GALNTL6: variants seen among roughly 807,000 people sequenced by gnomAD.
GALNTL6 encodes polypeptide N-acetylgalactosaminyltransferase like 6.
GALNTL6 carries 46 observed loss-of-function variants against 73.7 expected under a neutral mutation model. The observed-to-expected ratio is 0.62, with a 90% CI of 0.49 to 0.80. The LOEUF is 0.80. Among genes scored for constraint, GALNTL6 ranks in the 30% least tolerant of loss-of-function variants. GALNTL6 has a pLI of 0.00. For synonymous variants in GALNTL6, 259 were observed against 263.7 expected, an observed-to-expected ratio of 0.98 and a Z score of 0.17; for missense variants, 604 against 755.0, an observed-to-expected ratio of 0.80 and a Z score of 2.34.
At chr4:172,886,072 A>G (rs1745704836) in intron 8 of GALNTL6, among the ~76,000 whole-genome samples, 1 of 152,226 alleles carries the variant, frequency 6.6e-6, no homozygotes. Context: ...TGAGTTTGGA[A>G]GAATTCCCTC....
chr4:171,994,901 A>G (rs996826540), intron 2 of GALNTL6, among the ~76,000 whole-genome samples: 1 of 152,042 alleles, frequency 6.6e-6, no homozygotes, highest in Non-Finnish European at 1.5e-5. Flanking sequence ...CTAATTATTT[A>G]TGTGAAAAAA....
chr4:172,569,786 A>G (rs536001496), intron 5 of GALNTL6, among the ~76,000 whole-genome samples: 28 of 152,354 alleles, frequency 1.8e-4, no homozygotes, highest in African/African-American at 6.7e-4. Flanking sequence ...TATCAAGGAA[A>G]GATTAGGATT....
intron 3 of GALNTL6, among the ~76,000 whole-genome samples, chr4:172,287,300 G>A (rs189366391): frequency 1.2e-4 from 18 of 152,238 alleles, no homozygotes; most frequent in Non-Finnish European, 2.2e-4. Context: ...CCTAGCCCAT[G>A]CAACTAGGGC....
chr4:172,087,441 T>TC (rs1243152645), intron 2 of GALNTL6, among the ~76,000 whole-genome samples: 25 of 98,162 alleles, frequency 2.5e-4, no homozygotes, highest in Non-Finnish European at 4.2e-4. Flanking sequence ...TTAGACTCCA[T>TC]CCCAAAAAAA....
intron 4 of GALNTL6, among the ~76,000 whole-genome samples, chr4:172,321,680 A>G (rs1468458722): frequency 3.3e-5 from 5 of 152,224 alleles, no homozygotes; most frequent in African/African-American, 9.6e-5. Flanking sequence ...AGCTAAAATA[A>G]AAAGTTCTTT....
chr4:172,321,584 T>C (rs1410224247), intron 4 of GALNTL6, among the ~76,000 whole-genome samples: 1 of 152,168 alleles, frequency 6.6e-6, no homozygotes, highest in Non-Finnish European at 1.5e-5. Context: ...AGATAATGTT[T>C]CATTAAATAG....
intron 2 of GALNTL6, among the ~76,000 whole-genome samples, chr4:171,944,842 A>ATTTGTCT (rs1738657030): frequency 1.3e-5 from 2 of 152,092 alleles, no homozygotes; most frequent in African/African-American, 4.8e-5. Context: ...GTACTTAATA[A>ATTTGTCT]TTTGTCTTTT....
At chr4:172,632,852 C>T (rs772525180) in intron 5 of GALNTL6, among the ~76,000 whole-genome samples, 1 of 152,218 alleles carries the variant, frequency 6.6e-6, no homozygotes, top group Non-Finnish European at 1.5e-5. Flanking sequence ...TGCCCTGCAT[C>T]CCAGCTGCTT....
chr4:172,952,049 G>A lies in GALNTL6; in HGVS notation c.1162G>A (p.Val388Ile), dbSNP rs750015890. The A allele has an allele frequency of 4.0e-5, 65 of 1,613,534 alleles. No individual in the cohort carries two copies. The highest frequency in any genetic ancestry group is 5.3e-5 in the Non-Finnish European group (62 of 1,179,734). The change falls in exon 10 of 13, where the codon GTA (valine) becomes ATA (isoleucine). Residue 388 changes from valine to isoleucine, a missense_variant. Physicochemically the swap from Val to Ile is conservative, Grantham distance 29. This residue lies in a region of GALNTL6 where 261 missense variants were observed against 296.5 expected (regional missense o/e 0.88). Transcript: ENST00000506823. ...GTSLARNLKRVAETWMDEFAE... is the reference protein window; with the variant it reads ...GTSLARNLKRIAETWMDEFAE... ...TCCTGCTGCACAGAACCTGAAGCGG[G>A]TAGCTGAGACCTGGATGGATGAATT... is the stretch of plus-strand genomic sequence containing the variant.
chr4:172,950,326 A>G (rs568297226), intron 9 of GALNTL6, among the ~76,000 whole-genome samples: 2 of 152,314 alleles, frequency 1.3e-5, no homozygotes, highest in South Asian at 4.1e-4. Flanking sequence ...TCAGGGAACA[A>G]TTCTCACAGT....
intron 5 of GALNTL6, among the ~76,000 whole-genome samples, chr4:172,595,683 T>A (rs1357505692): frequency 6.6e-6 from 1 of 152,184 alleles, no homozygotes; most frequent in East Asian, 1.9e-4. Flanking sequence ...GGCAAACTAT[T>A]TTTTTTCCAA....
chr4:172,106,611 G>A (rs1732681202), intron 2 of GALNTL6, among the ~76,000 whole-genome samples: 1 of 151,968 alleles, frequency 6.6e-6, no homozygotes, highest in Non-Finnish European at 1.5e-5. Flanking sequence ...TCTATTTCCT[G>A]GATGACTGCT....
intron 2 of GALNTL6, among the ~76,000 whole-genome samples, chr4:171,856,448 C>A (rs1380113639): frequency 6.6e-6 from 1 of 152,064 alleles, no homozygotes; most frequent in Non-Finnish European, 1.5e-5. Flanking sequence ...TCCATTTAAT[C>A]AATTTTTTAT....
intron 2 of GALNTL6, among the ~76,000 whole-genome samples, chr4:171,919,309 G>GA (rs147357435): frequency 0.011 from 1,715 of 152,024 alleles, 27 homozygotes; most frequent in African/African-American, 0.038. Context: ...CACACAAGCA[G>GA]AAAAAAATGT....
intron 11 of GALNTL6, among the ~76,000 whole-genome samples, chr4:173,017,589 A>G (rs187117668): frequency 6.6e-6 from 1 of 152,344 alleles, no homozygotes; most frequent in African/African-American, 2.4e-5. Context: ...AGAGAGAAAA[A>G]AATGAGCTAA....
intron 11 of GALNTL6, among the ~76,000 whole-genome samples, chr4:173,012,000 C>A (rs1752573617): frequency 6.6e-6 from 1 of 152,178 alleles, no homozygotes. Context: ...AACTCCTGGG[C>A]TCAAGCGATC....
intron 7 of GALNTL6, among the ~76,000 whole-genome samples, chr4:172,855,994 G>A (rs550325404): frequency 2.6e-5 from 4 of 152,242 alleles, no homozygotes; most frequent in South Asian, 4.2e-4. Flanking sequence ...CCAGGCCAAC[G>A]ATCCACATTG....
intron 2 of GALNTL6, among the ~76,000 whole-genome samples, chr4:171,832,470 G>A (rs1455981969): frequency 6.6e-6 from 1 of 151,416 alleles, no homozygotes; most frequent in African/African-American, 2.4e-5. Flanking sequence ...ACATTGAATA[G>A]ATAGGGAGGT....
chr4:171,876,589 G>A (rs1736284869), intron 2 of GALNTL6, among the ~76,000 whole-genome samples: 1 of 152,278 alleles, frequency 6.6e-6, no homozygotes, highest in East Asian at 1.9e-4. Context: ...AACGGTGGAA[G>A]CTAACTTGTA....
Sources: allele counts gnomAD v4.1 joint callset (sites outside exome capture counted in the v4.1 genomes callset), GRCh38; gene constraint gnomAD v4.1.1; regional missense constraint gnomAD v4.1.1; transcripts MANE v1.5; gene names NCBI Gene and HGNC (gene_info 2026-07-23, HGNC 2026-07-21).